MCM9: variants seen among roughly 807,000 people sequenced by gnomAD.
MCM9 encodes the protein minichromosome maintenance 9 homologous recombination repair factor, also known as DNA helicase MCM9.
MCM9 carries 55 observed loss-of-function variants against 72.8 expected under a neutral mutation model. The observed-to-expected ratio is 0.76, with a 90% CI of 0.61 to 0.95. The LOEUF (loss-of-function observed/expected upper bound fraction) is 0.95, where lower values mean the gene tolerates loss of function less well. MCM9 is among the 40% of genes least tolerant of loss of function. The pLI, the probability that MCM9 is intolerant of heterozygous loss-of-function variation, is 0.00. For missense variants in MCM9, 1,279 were observed against 1,377.0 expected (o/e 0.93, Z 1.13); for synonymous variants, 480 against 503.4 (o/e 0.95, Z 0.62).
intron 4 of MCM9, among the ~76,000 whole-genome samples, chr6:118,923,047 A>G (rs1347457679): frequency 6.6e-6 from 1 of 151,452 alleles, no homozygotes; most frequent in African/African-American, 2.4e-5. Flanking sequence ...AAAAAAAAAA[A>G]AAAAAGCAAA....
intron 8 of MCM9, among the ~76,000 whole-genome samples, chr6:118,888,137 G>A (rs556765384): frequency 6.6e-6 from 1 of 152,100 alleles, no homozygotes; most frequent in Non-Finnish European, 1.5e-5. Flanking sequence ...GTGTTGGTGG[G>A]AATGTGGAGA....
At chr6:118,866,535 T>C (rs1777228813) in intron 8 of MCM9, among the ~76,000 whole-genome samples, 1 of 152,136 alleles carries the variant, frequency 6.6e-6, no homozygotes, top group African/African-American at 2.4e-5. Flanking sequence ...AAGAGTACTA[T>C]AACTTAACTG....
At chr6:118,830,434 T>G (rs1774462713) in intron 9 of MCM9, among the ~76,000 whole-genome samples, 1 of 152,194 alleles carries the variant, frequency 6.6e-6, no homozygotes, top group Non-Finnish European at 1.5e-5. Flanking sequence ...ACAAGGCATT[T>G]TTACCAAAAA....
At chr6:118,882,241 G>A (rs147022345) in intron 8 of MCM9, among the ~76,000 whole-genome samples, 6 of 152,202 alleles carry the variant, frequency 3.9e-5, no homozygotes, top group African/African-American at 1.4e-4. Context: ...CCCCTGGCTG[G>A]AGCAGTAGCT....
chr6:118,863,867 T>A (rs1057250315), intron 8 of MCM9, among the ~76,000 whole-genome samples: 13 of 152,158 alleles, frequency 8.5e-5, no homozygotes, highest in Non-Finnish European at 7.3e-5. Flanking sequence ...CCCTTTTTTT[T>A]ATAAACTACC....
Position 118,815,217 on chromosome 6 carries a change from C to G in MCM9, c.3039G>C (p.Lys1013Asn). 6.4e-7 allele frequency: 1 copy of G among 1,550,622 alleles called. No homozygotes were observed. Among genetic ancestry groups the G allele is most frequent in the Non-Finnish European group, 8.7e-7 (1 of 1,146,972 alleles). Residue 1013 changes from lysine to asparagine, a missense_variant, in exon 14 of 14, where the codon AAG becomes AAC. Transcript: ENST00000619706. ...GCTCTAATTCAGGCTGAATAATCCTCTTCTCAGGGGCACACATCACCTTCT... is the reference window on the plus strand; with the variant it reads ...GCTCTAATTCAGGCTGAATAATCCTGTTCTCAGGGGCACACATCACCTTCT... ...PREKVMCAPE[K>N]RIIQPELELG...
At chr6:118,902,525 A>G (rs1391941036) in intron 8 of MCM9, among the ~76,000 whole-genome samples, 1 of 118,120 alleles carries the variant, frequency 8.5e-6, no homozygotes, top group Non-Finnish European at 1.6e-5. Flanking sequence ...GGTACTGATA[A>G]TACTTTTTTT....
chr6:118,859,548 C>T (rs1447421183), intron 8 of MCM9, among the ~76,000 whole-genome samples: 1 of 152,144 alleles, frequency 6.6e-6, no homozygotes, highest in East Asian at 1.9e-4. Flanking sequence ...TGAGCATAAA[C>T]TTTTATGTAA....
At chr6:118,921,800 G>C in intron 5 of MCM9, 1 of 420,458 alleles carries the variant, frequency 2.4e-6, no homozygotes, top group Non-Finnish European at 4.2e-6. Context: ...CATAAAACAA[G>C]CACCTGGACT....
At chr6:118,898,486 G>A (rs541131481) in intron 8 of MCM9, among the ~76,000 whole-genome samples, 5 of 149,982 alleles carry the variant, frequency 3.3e-5, no homozygotes, top group South Asian at 2.1e-4. Flanking sequence ...GTGCAGTGGC[G>A]CGATCTCGGC....
At chr6:118,821,453 C>A (rs1407130176) in intron 13 of MCM9, among the ~76,000 whole-genome samples, 1 of 152,172 alleles carries the variant, frequency 6.6e-6, no homozygotes, top group African/African-American at 2.4e-5. Flanking sequence ...TTGGCCCCCA[C>A]TGTCTTCTGG....
At position 118,813,702 on chromosome 6, in the gene MCM9, A is replaced by T. The variant is rs960744992; in HGVS notation, c.*1122T>A. The T allele has an allele frequency of 2.0e-5, 3 of 152,216 alleles. No individual in the cohort carries two copies. In the East Asian group the frequency reaches 5.8e-4, roughly 29 times the overall value. The allele number at this position is 152,216 out of a possible 1,614,324, so 9.4% of individuals were successfully genotyped here. A position where few individuals can be genotyped will look rare whatever the true frequency, so the allele number is the denominator to read the frequency against. On this transcript the variant is annotated 3_prime_UTR_variant, in exon 14 of 14. Transcript: ENST00000619706. ...CCTAATAACCCTTATTAGAATCCAAAGGAATAAGTGATTTTAAAAGCACAT... is the reference window on the plus strand; with the variant it reads ...CCTAATAACCCTTATTAGAATCCAATGGAATAAGTGATTTTAAAAGCACAT...
At chr6:118,866,960 T>TGAG (rs1777254265) in intron 8 of MCM9, among the ~76,000 whole-genome samples, 1 of 151,996 alleles carries the variant, frequency 6.6e-6, no homozygotes, top group African/African-American at 2.4e-5. Context: ...AAGAACCTTC[T>TGAG]CATAAGACTA....
Position 118,814,980 on chromosome 6 carries a change from G to T in MCM9, c.3276C>A (p.Thr1092=), listed in dbSNP as rs1250436057. ...GERGPSSPPT[T]TAPMRVSKRK... is the part of the protein sequence containing the mutation. ...TTTTACTGACACGCATTGGAGCTGT[G>T]GTTGTAGGAGGGGAGCTTGGGCCTC... Residue 1092 remains threonine (T), a synonymous_variant, in exon 14 of 14, where the codon ACC becomes ACA. Coordinates refer to ENST00000619706, the MANE Select transcript of MCM9 (RefSeq NM_017696.3). 2 of 1,550,430 alleles carry T rather than the reference G, an allele frequency of 1.3e-6. No homozygotes were observed. Among genetic ancestry groups the T allele is most frequent in the Admixed American group, 3.9e-5 (2 of 50,968 alleles).
chr6:118,922,140 C>A, intron 4 of MCM9, 54 bp from the exon 5 acceptor site: 1 of 1,339,740 alleles, frequency 7.5e-7, no homozygotes, highest in South Asian at 1.3e-5. Context: ...TGTTAAGTAT[C>A]CAGAAGTCTA....
intron 9 of MCM9, among the ~76,000 whole-genome samples, chr6:118,854,493 C>T (rs929246237): frequency 9.2e-5 from 14 of 152,216 alleles, no homozygotes; most frequent in African/African-American, 3.1e-4. Flanking sequence ...GCTGGGATTA[C>T]AGGCATGTGC....
intron 7 of MCM9, 59 bp from the exon 8 acceptor site, chr6:118,911,828 C>T: frequency 7.7e-7 from 1 of 1,300,394 alleles, no homozygotes; most frequent in Non-Finnish European, 1.1e-6. Flanking sequence ...ATTTGGAATG[C>T]CAACAAAATA....
intron 8 of MCM9, among the ~76,000 whole-genome samples, chr6:118,859,224 T>C (rs552219095): frequency 9.2e-5 from 14 of 152,182 alleles, no homozygotes; most frequent in African/African-American, 2.9e-4. Flanking sequence ...GAAGAAAAAA[T>C]GAATCTTGAT....
chr6:118,848,755 C>T (rs1293175552), intron 9 of MCM9, among the ~76,000 whole-genome samples: 1 of 152,110 alleles, frequency 6.6e-6, no homozygotes, highest in Non-Finnish European at 1.5e-5. Context: ...GAAACCCCAT[C>T]TCTACTAAAA....
Sources: gnomAD v4.1 joint callset for allele counts (sites outside exome capture counted in the v4.1 genomes callset) on GRCh38, gnomAD v4.1.1 for gene constraint, MANE v1.5 for transcripts, NCBI Gene and HGNC (gene_info 2026-07-23, HGNC 2026-07-21) for gene names.